The following NYAP2 variants were observed in gnomAD, a reference collection of about 807,000 sequenced individuals.
NYAP2 encodes the protein neuronal tyrosine-phosphorylated phosphoinositide-3-kinase adaptor 2, also known as neuronal tyrosine-phosphorylated phosphoinositide-3-kinase adapter 2.
NYAP2 carries 23 observed loss-of-function variants against 50.4 expected under a neutral mutation model. That is an observed-to-expected ratio of 0.46 (90% CI 0.33 to 0.65). The LOEUF is 0.65. NYAP2 is among the 30% of genes least tolerant of loss of function. The pLI, the probability that NYAP2 is intolerant of heterozygous loss-of-function variation, is 0.02. For missense variants in NYAP2, 885 were observed against 861.0 expected, an observed-to-expected ratio of 1.03 and a Z score of -0.35; for synonymous variants, 394 against 365.2, an observed-to-expected ratio of 1.08 and a Z score of -0.90.
intron 4 of NYAP2, among the ~76,000 whole-genome samples, chr2:225,514,494 T>C (rs925905707): frequency 6.6e-6 from 1 of 152,154 alleles, no homozygotes; most frequent in African/African-American, 2.4e-5. Flanking sequence ...GAGAGCTCTG[T>C]TGGGGCCCAC....
At chr2:225,616,587 A>G (rs1475555145) in intron 5 of NYAP2, among the ~76,000 whole-genome samples, 1 of 152,184 alleles carries the variant, frequency 6.6e-6, no homozygotes, top group East Asian at 1.9e-4. Context: ...CAGGAGTACC[A>G]ACAACTAACC....
chr2:225,686,180 T>C, the NYAP2 span, among the ~76,000 whole-genome samples: 1 of 152,188 alleles, frequency 6.6e-6, no homozygotes, highest in Non-Finnish European at 1.5e-5. Context: ...ATCATATACA[T>C]TTCCAATTTG....
chr2:225,562,892 A>C (rs1184856332), intron 4 of NYAP2, among the ~76,000 whole-genome samples: 1 of 152,140 alleles, frequency 6.6e-6, no homozygotes, highest in African/African-American at 2.4e-5. Flanking sequence ...TTCAATAGTG[A>C]CAAGCTGTTG....
At chr2:225,480,022 C>A (rs959186466) in intron 3 of NYAP2, among the ~76,000 whole-genome samples, 17 of 152,138 alleles carry the variant, frequency 1.1e-4, no homozygotes, top group Non-Finnish European at 2.4e-4. Context: ...AGCCAAGTAA[C>A]TTTGGTAAAA....
intron 5 of NYAP2, among the ~76,000 whole-genome samples, chr2:225,617,864 A>C (rs531325158): frequency 6.6e-5 from 10 of 152,210 alleles, no homozygotes; most frequent in Admixed American, 6.5e-4. Flanking sequence ...GCAAACAGTA[A>C]TAAGCTATTA....
chr2:225,634,975 A>T (rs1002598647), intron 6 of NYAP2, among the ~76,000 whole-genome samples: 2 of 152,240 alleles, frequency 1.3e-5, no homozygotes, highest in African/African-American at 4.8e-5. Flanking sequence ...AATTTTTATC[A>T]GTTGATTTAT....
the NYAP2 span, among the ~76,000 whole-genome samples, chr2:225,679,167 A>G: frequency 2.0e-5 from 3 of 150,868 alleles, no homozygotes; most frequent in African/African-American, 7.3e-5. Flanking sequence ...TCATGTTCTC[A>G]CTTTTGAGGA....
intron 3 of NYAP2, among the ~76,000 whole-genome samples, chr2:225,502,032 A>C (rs2106178251): frequency 6.6e-6 from 1 of 152,366 alleles, no homozygotes; most frequent in Middle Eastern, 3.4e-3. Context: ...CTGGCATAGA[A>C]TCCAGACCTT....
chr2:225,421,093 T>G (rs1695208197), intron 3 of NYAP2, among the ~76,000 whole-genome samples: 1 of 151,832 alleles, frequency 6.6e-6, no homozygotes, highest in Non-Finnish European at 1.5e-5. Context: ...CAGCTAATGG[T>G]AGAGAAGGGA....
At chr2:225,580,527 C>T (rs185280289) in intron 4 of NYAP2, among the ~76,000 whole-genome samples, 286 of 152,242 alleles carry the variant, frequency 1.9e-3, no homozygotes, top group African/African-American at 6.4e-3. Flanking sequence ...TGAACCTTCC[C>T]CTCAAAAAGC....
chr2:225,413,450 T>C (rs1695078359), intron 3 of NYAP2, among the ~76,000 whole-genome samples: 1 of 152,194 alleles, frequency 6.6e-6, no homozygotes, highest in Admixed American at 6.5e-5. Flanking sequence ...TCAGTACTCA[T>C]GGTAATGTCC....
At chr2:225,513,779 C>A in intron 4 of NYAP2, 107 bp downstream of exon 4, 1 of 797,420 alleles carries the variant, frequency 1.3e-6, no homozygotes, top group Non-Finnish European at 1.8e-6. Context: ...ATAATCCTGC[C>A]TCTCACCCTG....
chr2:225,401,646 G>A (rs1191353233), intron 2 of NYAP2, among the ~76,000 whole-genome samples: 1 of 152,002 alleles, frequency 6.6e-6, no homozygotes, highest in South Asian at 2.1e-4. Context: ...AAAACTTTAG[G>A]TGGACTTGTT....
At chr2:225,692,967 T>C in the NYAP2 span, among the ~76,000 whole-genome samples, 2 of 152,042 alleles carry the variant, frequency 1.3e-5, no homozygotes, top group Non-Finnish European at 2.9e-5. Flanking sequence ...CACATACGAG[T>C]TCCAAAGAGT....
chr2:225,682,767 T>G, the NYAP2 span, among the ~76,000 whole-genome samples: 3 of 152,136 alleles, frequency 2.0e-5, no homozygotes, highest in African/African-American at 7.2e-5. Flanking sequence ...AAATCATCTT[T>G]CAATTTGAAT....
intron 3 of NYAP2, among the ~76,000 whole-genome samples, chr2:225,444,907 A>G (rs1389166475): frequency 6.6e-6 from 1 of 152,224 alleles, no homozygotes; most frequent in Non-Finnish European, 1.5e-5. Flanking sequence ...AGAGAGAAAT[A>G]CTGAAAATCT....
intron 3 of NYAP2, among the ~76,000 whole-genome samples, chr2:225,493,139 C>T (rs750455853): frequency 4.6e-5 from 7 of 152,044 alleles, no homozygotes; most frequent in Non-Finnish European, 7.4e-5. Flanking sequence ...GTGTGTGCTA[C>T]ACCACCTGGC....
chr2:225,413,424 C>G (rs914213857), intron 3 of NYAP2, among the ~76,000 whole-genome samples: 2 of 152,168 alleles, frequency 1.3e-5, no homozygotes, highest in African/African-American at 4.8e-5. Flanking sequence ...GCTGTGGAAT[C>G]TCAAGTGATC....
chr2:225,678,972 T>C, the NYAP2 span, among the ~76,000 whole-genome samples: 1 of 152,142 alleles, frequency 6.6e-6, no homozygotes, highest in Non-Finnish European at 1.5e-5. Context: ...TATGATAAAG[T>C]AGATTGATGA....
Sources: gnomAD v4.1 joint callset for allele counts (sites outside exome capture counted in the v4.1 genomes callset) on GRCh38, gnomAD v4.1.1 for gene constraint, MANE v1.5 for transcripts, NCBI Gene and HGNC (gene_info 2026-07-23, HGNC 2026-07-21) for gene names.